Variants in MAGI1 observed in about 807,000 individuals in gnomAD.
MAGI1 encodes the protein membrane associated guanylate kinase, WW and PDZ domain containing 1.
A neutral mutation model predicts 139.9 loss-of-function variants in MAGI1; 58 were observed. The observed-to-expected ratio is 0.41, with a 90% CI of 0.34 to 0.52. The LOEUF is 0.52. MAGI1 is among the 20% of genes least tolerant of loss of function. The pLI is 0.12. For missense variants in MAGI1, 1,874 were observed against 1,901.6 expected (o/e 0.99, Z 0.27); for synonymous variants, 812 against 737.9 (o/e 1.10, Z -1.63).
chr3:65,583,419 G>C (rs898952982), intron 2 of MAGI1, among the ~76,000 whole-genome samples: 1 of 152,140 alleles, frequency 6.6e-6, no homozygotes, highest in African/African-American at 2.4e-5. Flanking sequence ...GAGTTACCCT[G>C]TCTCTCAGAG....
intron 1 of MAGI1, among the ~76,000 whole-genome samples, chr3:65,727,897 T>C (rs1233623848): frequency 1.3e-5 from 2 of 152,184 alleles, no homozygotes; most frequent in African/African-American, 2.4e-5. Context: ...TTAAGGATGA[T>C]ATATCAATCC....
chr3:65,449,907 T>G (rs1559563348), intron 6 of MAGI1, among the ~76,000 whole-genome samples: 1 of 152,200 alleles, frequency 6.6e-6, no homozygotes, highest in East Asian at 1.9e-4. Context: ...ATCATATTTT[T>G]GGGGGCAAAG....
At chr3:65,376,357 A>G (rs758949383) in intron 17 of MAGI1, among the ~76,000 whole-genome samples, 19 of 152,092 alleles carry the variant, frequency 1.2e-4, no homozygotes, top group Non-Finnish European at 2.4e-4. Context: ...TGTTCATGTC[A>G]CTTCATTTTT....
intron 2 of MAGI1, among the ~76,000 whole-genome samples, chr3:65,583,793 A>G (rs1453926005): frequency 1.3e-5 from 2 of 152,182 alleles, no homozygotes; most frequent in Non-Finnish European, 2.9e-5. Flanking sequence ...GAAGAACTAA[A>G]GAACACATTC....
intron 1 of MAGI1, among the ~76,000 whole-genome samples, chr3:65,992,914 C>T (rs2066254419): frequency 6.6e-6 from 1 of 152,144 alleles, no homozygotes; most frequent in Non-Finnish European, 1.5e-5. Flanking sequence ...CAGCCTCAAT[C>T]TCCTGGGTCA....
At chr3:65,506,832 G>T (rs932422813) in intron 2 of MAGI1, among the ~76,000 whole-genome samples, 1 of 152,050 alleles carries the variant, frequency 6.6e-6, no homozygotes, top group African/African-American at 2.4e-5. Context: ...AAATAAATTT[G>T]TATCAAGGAC....
intron 12 of MAGI1, among the ~76,000 whole-genome samples, chr3:65,406,243 C>A (rs1026151814): frequency 6.6e-6 from 1 of 151,824 alleles, no homozygotes; most frequent in East Asian, 2.0e-4. Flanking sequence ...GAGAGCTCAG[C>A]TGGGCTGTTG....
At chr3:65,558,613 G>A (rs201818020) in intron 2 of MAGI1, among the ~76,000 whole-genome samples, 325 of 152,140 alleles carry the variant, frequency 2.1e-3, no homozygotes, top group African/African-American at 7.3e-3. Context: ...TCACTTCCAC[G>A]AAACCCATGA....
chr3:65,613,079 G>T (rs988371377), intron 2 of MAGI1, among the ~76,000 whole-genome samples: 3 of 152,142 alleles, frequency 2.0e-5, no homozygotes, highest in Non-Finnish European at 4.4e-5. Flanking sequence ...TAAGGTGATT[G>T]CAGGCAGAAA....
At chr3:65,912,838 G>T (rs1247926866) in intron 1 of MAGI1, among the ~76,000 whole-genome samples, 1 of 152,184 alleles carries the variant, frequency 6.6e-6, no homozygotes, top group African/African-American at 2.4e-5. Context: ...GGAAAAGTTT[G>T]TCAAATACAC....
chr3:65,910,379 C>T (rs550154873), intron 1 of MAGI1, among the ~76,000 whole-genome samples: 18 of 152,146 alleles, frequency 1.2e-4, no homozygotes, highest in Non-Finnish European at 2.1e-4. Flanking sequence ...AAATGCAATG[C>T]TGTACTGTTG....
chr3:65,674,730 A>C (rs1225807539), intron 1 of MAGI1, among the ~76,000 whole-genome samples: 1 of 152,188 alleles, frequency 6.6e-6, no homozygotes, highest in Non-Finnish European at 1.5e-5. Context: ...CCCACTATGC[A>C]ACCCGCTGTA....
intron 1 of MAGI1, among the ~76,000 whole-genome samples, chr3:66,037,522 G>A (rs2068999587): frequency 6.6e-6 from 1 of 152,144 alleles, no homozygotes; most frequent in Non-Finnish European, 1.5e-5. Context: ...AGGGGTCGCG[G>A]GGTGAAGCAG....
chr3:65,808,327 CCT>C (rs1356943425), intron 1 of MAGI1, among the ~76,000 whole-genome samples: 1 of 151,804 alleles, frequency 6.6e-6, no homozygotes, highest in Admixed American at 6.6e-5. Flanking sequence ...ATGGTGAAAC[CCT>C]GTCTCTATTA....
At chr3:65,670,118 AGAAGTTCTTTTCAAAC>A (rs2086765082) in intron 1 of MAGI1, among the ~76,000 whole-genome samples, 2 of 152,302 alleles carry the variant, frequency 1.3e-5, no homozygotes, top group East Asian at 3.9e-4. Flanking sequence ...TTGCTCGATT[AGAAGTTCTTTTCAAAC>A]TGATGTCTCA....
chr3:65,951,016 GAA>G (rs879500408), intron 1 of MAGI1, among the ~76,000 whole-genome samples: 6,285 of 127,662 alleles, frequency 0.049, 578 homozygotes, highest in Middle Eastern at 0.089. Flanking sequence ...AGGAAGGAAG[GAA>G]GGAAGGAAGG....
intron 1 of MAGI1, among the ~76,000 whole-genome samples, chr3:65,746,532 C>G (rs900125933): frequency 6.6e-6 from 1 of 152,054 alleles, no homozygotes; most frequent in African/African-American, 2.4e-5. Flanking sequence ...ACATAACAAT[C>G]ACATAATCAA....
intron 1 of MAGI1, among the ~76,000 whole-genome samples, chr3:65,754,831 A>C (rs9825035): frequency 0.013 from 1,908 of 152,354 alleles, 41 homozygotes; most frequent in African/African-American, 0.043. Flanking sequence ...ATTTGGAGTA[A>C]GTATCAGCTA....
intron 1 of MAGI1, among the ~76,000 whole-genome samples, chr3:65,775,528 A>G (rs911782773): frequency 1.9e-5 from 2 of 106,024 alleles, no homozygotes; most frequent in East Asian, 2.3e-4. Flanking sequence ...AAAAAAAAAA[A>G]GCATCTTAAA....
Sources: gnomAD v4.1 joint callset for allele counts (sites outside exome capture counted in the v4.1 genomes callset) on GRCh38, gnomAD v4.1.1 for gene constraint, MANE v1.5 for transcripts, NCBI Gene and HGNC (gene_info 2026-07-23, HGNC 2026-07-21) for gene names.